Variants in PFKFB2 observed in about 807,000 individuals in gnomAD.
PFKFB2 encodes 6-phosphofructo-2-kinase/fructose-2,6-biphosphatase 2, also known as 6-phosphofructo-2-kinase/fructose-2,6-bisphosphatase 2.
PFKFB2 carries 53 observed loss-of-function variants against 68.0 expected under a neutral mutation model. That is an observed-to-expected ratio of 0.78 (90% confidence interval 0.63 to 0.98). The LOEUF is 0.98. Among genes scored for constraint, PFKFB2 ranks in the 50% least tolerant of loss-of-function variants. The pLI, the probability that PFKFB2 is intolerant of heterozygous loss-of-function variation, is 0.00. For synonymous variants in PFKFB2, 222 were observed against 227.6 expected (o/e 0.98, Z 0.22); for missense variants, 451 against 642.0 (o/e 0.70, Z 3.22).
chr1:207,062,174 G>A, intron 3 of PFKFB2, 96 bp downstream of exon 3: 1 of 1,522,948 alleles, frequency 6.6e-7, no homozygotes, highest in Non-Finnish European at 9.0e-7. Context: ...ATGCTATAGG[G>A]TGCTTTTGGC....
At chr1:207,061,332 G>A (rs1683111767) in intron 2 of PFKFB2, among the ~76,000 whole-genome samples, 1 of 150,456 alleles carries the variant, frequency 6.6e-6, no homozygotes, top group African/African-American at 2.4e-5. Context: ...GCTGCAGCAT[G>A]GTTATTTTCT....
intron 2 of PFKFB2, among the ~76,000 whole-genome samples, chr1:207,061,109 CTATATATCTT>C (rs1351902507): frequency 0.028 from 2,239 of 79,096 alleles, 118 homozygotes; most frequent in Middle Eastern, 0.036. Context: ...TTATATATAT[CTATATATCTT>C]TATATATATC....
At position 207,067,483 on chromosome 1, in the gene PFKFB2, T is replaced by C. The variant is rs753090604; in HGVS notation, c.633-16T>C. 5.7e-6 allele frequency: 9 copies of C among 1,591,000 alleles called. No individual in the cohort carries two copies. The Admixed American group carries it at 1.6e-4, about 28-fold the overall frequency. On this transcript the variant is annotated splice_polypyrimidine_tract_variant and intron_variant, in intron 8 of 14. Transcript: ENST00000367080. ...CTTCTTACCTAGGGAATTTTTTTTT[T>C]CCTTTCCTGTCCCAGGGATCTTTCT...
At position 207,077,173 on chromosome 1, in the gene PFKFB2, A is replaced by T. The variant is rs191886349; in HGVS notation, c.*4802A>T. 4,223 of 985,306 alleles carry T rather than the reference A, an allele frequency of 4.3e-3. 134 individuals are homozygous for T. In the African/African-American group the frequency reaches 0.069, roughly 16 times the overall value. The allele number at this position is 985,306 out of a possible 1,614,324, so 61.0% of individuals were successfully genotyped here. A position where few individuals can be genotyped will look rare whatever the true frequency, so the allele number is the denominator to read the frequency against. ...GTCCCCTGCTTTAGGGCAGGACTTC[A>T]GTTCCACTGTTCATTTCTGAAGCTT... On this transcript the variant is annotated 3_prime_UTR_variant, in exon 15 of 15. Transcript: ENST00000367080.
In PFKFB2 at chr1:207,070,292, C is replaced by G; in HGVS notation, c.1105C>G (p.Leu369Val). ...RYPGGESYQD[L>V]VQRLEPVIME... is the part of the protein sequence containing the mutation. ...TTTCCCTCCACAGTCATACCAGGAC[C>G]TGGTGCAGCGGCTGGAGCCTGTCAT... is the stretch of plus-strand genomic sequence containing the variant. Residue 369 changes from leucine (L) to valine (V), a missense_variant, in exon 12 of 15, where the codon CTG becomes GTG. Physicochemically the swap from Leu to Val is conservative, Grantham distance 32. Coordinates refer to ENST00000367080, the MANE Select transcript of PFKFB2 (RefSeq NM_006212.2). This position sits in a 1 kb window ranked among gnomAD's most constrained non-coding sequence, Gnocchi z 4.2. 1 of 1,613,384 alleles carries G rather than the reference C, an allele frequency of 6.2e-7. No homozygotes were observed. Among genetic ancestry groups the G allele is most frequent in the Non-Finnish European group, 8.5e-7 (1 of 1,179,956 alleles).
chr1:207,066,814 C>T (rs181106826), intron 8 of PFKFB2, among the ~76,000 whole-genome samples: 175 of 152,118 alleles, frequency 1.2e-3, no homozygotes, highest in Middle Eastern at 3.4e-3. Flanking sequence ...CCACCACGCC[C>T]GGCTAATTTT....
intron 4 of PFKFB2, 34 bp downstream of exon 4, chr1:207,062,750 G>C (rs375243008): frequency 3.8e-6 from 6 of 1,595,834 alleles, no homozygotes; most frequent in Admixed American, 1.7e-5. Flanking sequence ...CTCCAGGTCA[G>C]CTCTTTCTTG....
intron 2 of PFKFB2, 68 bp downstream of exon 2, chr1:207,054,870 C>G: frequency 9.6e-7 from 1 of 1,047,088 alleles, no homozygotes; most frequent in South Asian, 1.4e-5. Flanking sequence ...AGTTATAATC[C>G]TGGACTCTGC....
At chr1:207,036,805 C>A (rs1002211158) in intron 1 of PFKFB2, among the ~76,000 whole-genome samples, 3 of 152,226 alleles carry the variant, frequency 2.0e-5, no homozygotes, top group Admixed American at 1.3e-4. Flanking sequence ...TCTCCTGCAT[C>A]ATCATTTTGA....
At chr1:207,049,816 GT>G (rs1165096906), upstream of PFKFB2, 1 of 1,207,496 alleles carries the variant, frequency 8.3e-7, no homozygotes, top group African/African-American at 1.5e-5. Flanking sequence ...AACTGAAGGA[GT>G]TAAAGCATAA....
At position 207,072,658 on chromosome 1, in the gene PFKFB2, C is replaced by CTTTTTTAATGAT; in HGVS notation, c.*287_*288insTTTTTTAATGAT. On this transcript the variant is annotated 3_prime_UTR_variant, in exon 15 of 15. Transcript: ENST00000367080. ...GATCTGGAGGAGGAGGAAAAAGATA[C>CTTTTTTAATGAT]ACTCCCTTGGGGCTGAGCATGCCCC... The CTTTTTTAATGAT allele has an allele frequency of 1.7e-6, 2 of 1,197,942 alleles. No homozygotes were observed. The highest frequency in any genetic ancestry group is 2.1e-6 in the Non-Finnish European group (2 of 962,354). 74.2% of individuals were successfully genotyped at this position (1,197,942 alleles called of 1,614,324 possible). A position where few individuals can be genotyped will look rare whatever the true frequency, so the allele number is the denominator to read the frequency against.
At position 207,074,752 on chromosome 1, in the gene PFKFB2, G is replaced by C. The variant is rs934881488; in HGVS notation, c.*2381G>C. 3.2e-5 allele frequency: 32 copies of C among 985,328 alleles called. No homozygotes were observed. Among genetic ancestry groups the C allele is most frequent in the Non-Finnish European group, 3.5e-5 (29 of 829,934 alleles). The allele number at this position is 985,328 out of a possible 1,614,324, so 61.0% of individuals were successfully genotyped here. ...AAGAAAAGGTCCTTGTCCAGAGGAA[G>C]GTTATTTTAAGAGACAGGACATGTA... is the stretch of plus-strand genomic sequence containing the variant. On this transcript the variant is annotated 3_prime_UTR_variant, in exon 15 of 15. Coordinates refer to ENST00000367080, the MANE Select transcript of PFKFB2 (RefSeq NM_006212.2).
chr1:207,062,496 C>T, intron 3 of PFKFB2, 124 bp from the exon 4 acceptor site: 1 of 1,454,602 alleles, frequency 6.9e-7, no homozygotes, highest in Non-Finnish European at 9.3e-7. Flanking sequence ...ATATTGTTCC[C>T]AACCTACCAT....
chr1:207,065,181 T>C, intron 8 of PFKFB2, 21 bp downstream of exon 8: 1 of 1,613,038 alleles, frequency 6.2e-7, no homozygotes, highest in Non-Finnish European at 8.5e-7. Flanking sequence ...AGGCCATGGT[T>C]TGAAGGGCCC....
intron 11 of PFKFB2, 47 bp downstream of exon 11, chr1:207,069,575 G>A (rs775219089): frequency 8.3e-7 from 1 of 1,203,490 alleles, no homozygotes; most frequent in Admixed American, 1.7e-5. Flanking sequence ...CCCTTGCTGA[G>A]TGTTTAACTT....
At chr1:207,058,539 T>C (rs1049051623) in intron 2 of PFKFB2, among the ~76,000 whole-genome samples, 32 of 152,316 alleles carry the variant, frequency 2.1e-4, no homozygotes, top group African/African-American at 7.0e-4. Context: ...GCTCTTAATT[T>C]CTCCAGGCTT....
chr1:207,058,451 G>A (rs1429041457), intron 2 of PFKFB2, among the ~76,000 whole-genome samples: 1 of 152,208 alleles, frequency 6.6e-6, no homozygotes, highest in Non-Finnish European at 1.5e-5. Flanking sequence ...TGGCAGCTGG[G>A]ACTGAATGGG....
At chr1:207,048,836 C>T (rs994003042), upstream of PFKFB2, 22 of 612,358 alleles carry the variant, frequency 3.6e-5, no homozygotes, top group Admixed American at 6.0e-5. Context: ...TGTAGACACA[C>T]ATCTGTAAAC....
At chr1:207,054,540 G>A (rs2102336081) in intron 1 of PFKFB2, among the ~76,000 whole-genome samples, 161 bp from the exon 2 acceptor site, 2 of 152,350 alleles carry the variant, frequency 1.3e-5, no homozygotes, top group Middle Eastern at 6.8e-3. Context: ...AGGAAACAGA[G>A]GGCTAGAGAA....
Sources: allele counts gnomAD v4.1 joint callset (sites outside exome capture counted in the v4.1 genomes callset), GRCh38; gene constraint gnomAD v4.1.1; non-coding constraint Gnocchi (gnomAD v3.1); transcripts MANE v1.5; gene names NCBI Gene and HGNC (gene_info 2026-07-23, HGNC 2026-07-21).